Variants in ABCG8 observed in about 807,000 individuals in gnomAD.
The protein encoded by ABCG8 is ATP-binding cassette sub-family G member 8.
Under a neutral mutation model 71.3 loss-of-function variants are expected in ABCG8, and 81 were observed. That is an observed-to-expected ratio of 1.14 (90% CI 0.95 to 1.37). The LOEUF (loss-of-function observed/expected upper bound fraction) is 1.37. ABCG8 is among the 40% of genes most tolerant of loss of function. The pLI is 0.00. For synonymous variants in ABCG8, 451 were observed against 354.7 expected, an observed-to-expected ratio of 1.27 and a Z score of -3.05; for missense variants, 1,119 against 866.2, an observed-to-expected ratio of 1.29 and a Z score of -3.66.
At chr2:43,862,029 T>A (rs1429964157) in intron 6 of ABCG8, among the ~76,000 whole-genome samples, 3 of 151,300 alleles carry the variant, frequency 2.0e-5, no homozygotes, top group Non-Finnish European at 4.5e-5. Context: ...TCTGTCTGGA[T>A]AGAATTCTCA....
intron 6 of ABCG8, among the ~76,000 whole-genome samples, chr2:43,853,499 G>T (rs79912906): frequency 6.6e-6 from 1 of 152,160 alleles, no homozygotes; most frequent in African/African-American, 2.4e-5. Context: ...CTGGACAGGC[G>T]TCATGGTTGT....
At chr2:43,864,499 A>G (rs72798803) in intron 6 of ABCG8, among the ~76,000 whole-genome samples, 7,905 of 151,694 alleles carry the variant, frequency 0.052, 250 homozygotes, top group Middle Eastern at 0.11. Flanking sequence ...TAGAATTCTC[A>G]CCCTCTGGAT....
At position 43,872,189 on chromosome 2, in the gene ABCG8, C is replaced by T. The variant is rs773501975; in HGVS notation, c.1128-34C>T. The T allele has an allele frequency of 3.7e-6, 6 of 1,613,974 alleles. No individual in the cohort carries two copies. In the East Asian group the frequency reaches 8.9e-5, roughly 24 times the overall value. The stretch of plus-strand genomic sequence containing the variant: ...GAGAGCTCCCTGCAGAAGGTGGCTG[C>T]CCCCATGACCTGGCCACATCTTCTG... On this transcript the variant is annotated intron_variant, in intron 7 of 12. Coordinates refer to ENST00000272286, the MANE Select transcript of ABCG8 (RefSeq NM_022437.3).
Position 43,867,343 on chromosome 2 carries a change from T to C in ABCG8, c.965-4633T>C, listed in dbSNP as rs1312942864. 3.1e-5 allele frequency among the ~76,000 whole-genome samples: 3 copies of C among 96,810 alleles called. No homozygotes were observed. In the East Asian group the frequency reaches 2.1e-3, roughly 69 times the overall value. 63.5% of individuals were successfully genotyped at this position (96,810 alleles called of 152,430 possible). On this transcript the variant is annotated intron_variant, in intron 6 of 12. Coordinates refer to ENST00000272286, the MANE Select transcript of ABCG8 (RefSeq NM_022437.3). Reference sequence around the variant, plus strand: ...CACATGTACCCTAAAACTTAAAGTATAATTAAAAAAAAAAAAGAATTCTCA... The same window carrying C: ...CACATGTACCCTAAAACTTAAAGTACAATTAAAAAAAAAAAAGAATTCTCA...
At chr2:43,870,293 C>CAATT (rs149171678) in intron 6 of ABCG8, among the ~76,000 whole-genome samples, 8,107 of 152,042 alleles carry the variant, frequency 0.053, 249 homozygotes, top group Middle Eastern at 0.11. Flanking sequence ...AGAATTCTCA[C>CAATT]TATCTGGATA....
chr2:43,873,691 A>C, intron 8 of ABCG8, 96 bp from the exon 9 acceptor site: 31 of 1,248,216 alleles, frequency 2.5e-5, no homozygotes, highest in Non-Finnish European at 3.4e-5. Context: ...CATTTTGCAT[A>C]GGAGAAAAAT....
intron 3 of ABCG8, among the ~76,000 whole-genome samples, chr2:43,849,310 C>G (rs1358298339): frequency 6.6e-6 from 1 of 151,988 alleles, no homozygotes; most frequent in Non-Finnish European, 1.5e-5. Flanking sequence ...CTGGGGAGGC[C>G]TCAGGAAACT....
At chr2:43,866,036 C>T (rs1024488549) in intron 6 of ABCG8, among the ~76,000 whole-genome samples, 4 of 151,346 alleles carry the variant, frequency 2.6e-5, no homozygotes, top group Non-Finnish European at 3.0e-5. Flanking sequence ...TCAGAAATAA[C>T]GCCGCATATC....
At chr2:43,860,438 G>GT (rs1669270876) in intron 6 of ABCG8, among the ~76,000 whole-genome samples, 1 of 151,098 alleles carries the variant, frequency 6.6e-6, no homozygotes, top group Non-Finnish European at 1.5e-5. Context: ...TCACTATCTG[G>GT]ATAGAATTCT....
chr2:43,839,143 A>C, intron 1 of ABCG8, 27 bp downstream of exon 1: 1 of 1,550,732 alleles, frequency 6.4e-7, no homozygotes, highest in East Asian at 2.4e-5. Context: ...AAGTCGGCCC[A>C]GGCCTGGTGG....
In ABCG8 at chr2:43,855,461, ACT is replaced by A. The variant is rs201897990; in HGVS notation, c.964+2598_964+2599del. ...TTCTCTCCCTCTGCATAGGACTGTCACTCTCTGGATAGAATTCTCACCATCTG... is the reference window on the plus strand; with the variant it reads ...TTCTCTCCCTCTGCATAGGACTGTCACTCTGGATAGAATTCTCACCATCTG... On this transcript the variant is annotated intron_variant, in intron 6 of 12. Coordinates refer to ENST00000272286, the MANE Select transcript of ABCG8 (RefSeq NM_022437.3). Among the ~76,000 whole-genome samples, 880 of 151,622 alleles carry A rather than the reference ACT, an allele frequency of 5.8e-3. 5 individuals carry two copies. The highest frequency in any genetic ancestry group is 0.027 in the Middle Eastern group (8 of 292).
intron 3 of ABCG8, chr2:43,847,715 G>A (rs1394071727): frequency 6.6e-6 from 1 of 151,922 alleles, no homozygotes; most frequent in African/African-American, 2.4e-5. Context: ...TCTTAGAAAG[G>A]AATGAATAAA....
chr2:43,852,255 C>G, intron 4 of ABCG8, 99 bp from the exon 5 acceptor site: 1 of 1,562,340 alleles, frequency 6.4e-7, no homozygotes, highest in Non-Finnish European at 8.7e-7. Context: ...CACTTTCAAA[C>G]CCAGCCGGAG....
rs1032043614 is a variant in ABCG8, at chr2:43,877,868, C to T, written c.1977C>T (p.Tyr659=). Residue 659 remains tyrosine (Y), a synonymous_variant, in exon 13 of 13, where the codon TAC becomes TAT. Transcript: ENST00000272286. ...GLSGGFMVLY[Y]VSLRFIKQKP... ...GCGGTGGCTTCATGGTCCTGTACTACGTGTCCTTAAGGTTCATCAAACAGA... is the reference window on the plus strand; with the variant it reads ...GCGGTGGCTTCATGGTCCTGTACTATGTGTCCTTAAGGTTCATCAAACAGA... 1.6e-5 allele frequency: 26 copies of T among 1,614,000 alleles called. No homozygotes were observed. The highest frequency in any genetic ancestry group is 2.7e-5 in the African/African-American group (2 of 74,908).
intron 6 of ABCG8, among the ~76,000 whole-genome samples, chr2:43,854,626 C>CA (rs759609173): frequency 0.52 from 38,370 of 74,320 alleles, 9,134 homozygotes; most frequent in East Asian, 0.84. Flanking sequence ...GACTCCATCT[C>CA]AAAAAAAAAA....
chr2:43,843,635 T>C (rs1036710067), intron 1 of ABCG8, among the ~76,000 whole-genome samples: 2 of 152,074 alleles, frequency 1.3e-5, no homozygotes, highest in Non-Finnish European at 2.9e-5. Context: ...TCCTGGGTGA[T>C]AGAGCGAGAC....
chr2:43,876,801 G>A lies in ABCG8; in HGVS notation c.1757-760G>A, dbSNP rs1572870088. Among the ~76,000 whole-genome samples, 5 of 149,694 alleles carry A rather than the reference G, an allele frequency of 3.3e-5. No homozygotes were observed. The South Asian group carries it at 1.1e-3, about 32-fold the overall frequency. Reference sequence around the variant, plus strand: ...GAATAGGGGGAGACCGTGGGAATATGAAGAGACTGTGTGAATATGGGGGAG... The same window carrying A: ...GAATAGGGGGAGACCGTGGGAATATAAAGAGACTGTGTGAATATGGGGGAG... On this transcript the variant is annotated intron_variant, in intron 11 of 12. Transcript: ENST00000272286.
chr2:43,877,534 G>A (rs146426448), intron 11 of ABCG8, 27 bp from the exon 12 acceptor site: 1 of 1,613,076 alleles, frequency 6.2e-7, no homozygotes, highest in Non-Finnish European at 8.5e-7. Context: ...AGGGACACCT[G>A]TGAGTAACGC....
rs772582410 is a variant in ABCG8, at chr2:43,881,952, C to A, written c.*4039C>A. Reference sequence around the variant, plus strand: ...GCTGTAGACTATAGTAACGTACAGCCGGTGTGGCTGTCTTCTAAGAAAGTA... The same window carrying A: ...GCTGTAGACTATAGTAACGTACAGCAGGTGTGGCTGTCTTCTAAGAAAGTA... On this transcript the variant is annotated 3_prime_UTR_variant, in exon 13 of 13. Transcript: ENST00000272286. 1.3e-5 allele frequency: 2 copies of A among 152,116 alleles called. No individual in the cohort carries two copies. The highest frequency in any genetic ancestry group is 2.9e-5 in the Non-Finnish European group (2 of 68,030). The allele number at this position is 152,116 out of a possible 1,614,324, so 9.4% of individuals were successfully genotyped here. A position where few individuals can be genotyped will look rare whatever the true frequency, so the allele number is the denominator to read the frequency against.
Sources: gnomAD v4.1 joint callset for allele counts (sites outside exome capture counted in the v4.1 genomes callset) on GRCh38, gnomAD v4.1.1 for gene constraint, MANE v1.5 for transcripts, NCBI Gene and HGNC (gene_info 2026-07-23, HGNC 2026-07-21) for gene names.